Variants in FRMD4A observed in about 807,000 individuals in gnomAD.
FRMD4A encodes the protein FERM domain containing 4A, also known as FERM domain-containing protein 4A.
In FRMD4A, 29 loss-of-function variants were observed where a neutral mutation model predicts 129.1. That is an observed-to-expected ratio of 0.22 (90% CI 0.17 to 0.31). The LOEUF (loss-of-function observed/expected upper bound fraction) is 0.31, where lower values mean the gene tolerates loss of function less well. FRMD4A is among the 10% of genes least tolerant of loss of function. FRMD4A has a pLI of 1.00. For missense variants in FRMD4A, 1,272 were observed against 1,375.8 expected, an observed-to-expected ratio of 0.92 and a Z score of 1.19; for synonymous variants, 634 against 571.6, an observed-to-expected ratio of 1.11 and a Z score of -1.56.
chr10:14,292,258 T>C (rs986412692), intron 2 of FRMD4A, among the ~76,000 whole-genome samples: 1 of 152,202 alleles, frequency 6.6e-6, no homozygotes, highest in African/African-American at 2.4e-5. Flanking sequence ...TATGAAGCTA[T>C]AGTAGTTAAG....
At chr10:14,162,234 A>G (rs1038717164) in intron 2 of FRMD4A, among the ~76,000 whole-genome samples, 1 of 152,178 alleles carries the variant, frequency 6.6e-6, no homozygotes, top group African/African-American at 2.4e-5. Flanking sequence ...CGGCCACCAC[A>G]CTAGACAAGG....
At chr10:14,125,638 T>C (rs1326604935) in intron 2 of FRMD4A, among the ~76,000 whole-genome samples, 1 of 152,118 alleles carries the variant, frequency 6.6e-6, no homozygotes, top group East Asian at 1.9e-4. Context: ...CCCAGCTAAA[T>C]CCTGCAAATG....
At chr10:13,699,131 C>G (rs963033563) in intron 14 of FRMD4A, among the ~76,000 whole-genome samples, 2 of 149,266 alleles carry the variant, frequency 1.3e-5, no homozygotes, top group African/African-American at 4.9e-5. Flanking sequence ...TCTCAGCTCA[C>G]TGCAACCTCT....
chr10:13,910,888 GAAAAAAAAAAAAAAAAAAAAAAAAAA>G (rs141449954), intron 2 of FRMD4A, among the ~76,000 whole-genome samples: 873 of 83,074 alleles, frequency 0.011, 23 homozygotes, highest in African/African-American at 0.042. Flanking sequence ...GGAGTTTCAT[GAAAAAAAAAAAAAAAAAAAAAAAAAA>G]AAAAAAAAAA....
At position 13,976,829 on chromosome 10, in the gene FRMD4A, A is replaced by G. The variant is rs12247912; in HGVS notation, c.46-117917T>C. ...TCTGTTTGTAAAAACGTCAGCCATA[A>G]GATTGGCTGAAGAACTATTCTATCT... On this transcript the variant is annotated intron_variant, in intron 2 of 24. Transcript: ENST00000357447. Among the ~76,000 whole-genome samples the G allele has an allele frequency of 6.3e-3, 962 of 152,322 alleles. 15 individuals carry two copies. The highest frequency in any genetic ancestry group is 0.021 in the African/African-American group (890 of 41,560).
chr10:13,959,471 T>TAAAAAAAAAA (rs56192445), intron 2 of FRMD4A, among the ~76,000 whole-genome samples: 13 of 53,110 alleles, frequency 2.4e-4, no homozygotes, highest in African/African-American at 1.0e-3. Context: ...GACTGTTTCA[T>TAAAAAAAAAA]AAAAAAAAAA....
chr10:13,693,314 C>G (rs1294302824), intron 15 of FRMD4A: 1 of 204,430 alleles, frequency 4.9e-6, no homozygotes, highest in Non-Finnish European at 9.9e-6. Flanking sequence ...TGGAACTCCT[C>G]TGTCCCTCCC....
intron 21 of FRMD4A, among the ~76,000 whole-genome samples, chr10:13,657,788 GTT>G (rs10695622): frequency 7.0e-6 from 1 of 143,306 alleles, no homozygotes; most frequent in Non-Finnish European, 1.5e-5. Context: ...CGATTTCTGG[GTT>G]TTTTTTTTTT....
chr10:14,108,694 G>A (rs139076212), intron 2 of FRMD4A, among the ~76,000 whole-genome samples: 3 of 152,088 alleles, frequency 2.0e-5, no homozygotes, highest in South Asian at 2.1e-4. Flanking sequence ...CTGGGTTTTC[G>A]CATAGGAAAA....
At chr10:14,074,097 C>A (rs187667523) in intron 2 of FRMD4A, among the ~76,000 whole-genome samples, 274 of 152,208 alleles carry the variant, frequency 1.8e-3, no homozygotes, top group African/African-American at 6.2e-3. Flanking sequence ...GATGACAGAG[C>A]AAGATAGTCT....
chr10:13,649,476 T>TGGTTCTCAGGTGGCTC (rs2081371563), intron 24 of FRMD4A: 1 of 127,946 alleles, frequency 7.8e-6, no homozygotes, highest in Non-Finnish European at 1.9e-5. Flanking sequence ...ATTGGTGGTT[T>TGGTTCTCAGGTGGCTC]GGTTCTCAGG....
At chr10:13,879,686 C>T (rs1195253401) in intron 2 of FRMD4A, among the ~76,000 whole-genome samples, 2 of 134,124 alleles carry the variant, frequency 1.5e-5, no homozygotes, top group African/African-American at 5.5e-5. Context: ...CTTCTTCTTT[C>T]TCTTCCTTTT....
chr10:14,288,254 G>A (rs904260028), intron 2 of FRMD4A, among the ~76,000 whole-genome samples: 11 of 152,134 alleles, frequency 7.2e-5, no homozygotes, highest in Admixed American at 2.0e-4. Flanking sequence ...AGGATGCCCC[G>A]TTGCTCCCAA....
chr10:13,701,908 G>T (rs563270986), intron 13 of FRMD4A, among the ~76,000 whole-genome samples: 2 of 152,288 alleles, frequency 1.3e-5, no homozygotes, highest in South Asian at 4.2e-4. Flanking sequence ...ACAGGCTACA[G>T]CGTCCCAGGG....
In FRMD4A at chr10:13,659,385, C is replaced by T. The variant is rs1412337049; in HGVS notation, c.2004G>A (p.Gln668=). 1 of 1,614,038 alleles carries T rather than the reference C, an allele frequency of 6.2e-7. No homozygotes were observed. Among genetic ancestry groups the T allele is most frequent in the Non-Finnish European group, 8.5e-7 (1 of 1,179,998 alleles). ...PIRGLPHWNS[Q]SSMPSTPDLR... is the part of the protein sequence containing the mutation. ...GGTCTGGCGTGGACGGCATGCTGGACTGGGAGTTCCAGTGCGGGAGGCCGC... is the reference window on the plus strand; with the variant it reads ...GGTCTGGCGTGGACGGCATGCTGGATTGGGAGTTCCAGTGCGGGAGGCCGC... The change falls in exon 21 of 25, where the codon CAG becomes CAA. Residue 668 remains glutamine (Q), a synonymous_variant. Transcript: ENST00000357447.
intron 4 of FRMD4A, among the ~76,000 whole-genome samples, chr10:13,802,489 T>C (rs1374017334): frequency 6.6e-6 from 1 of 151,886 alleles, no homozygotes; most frequent in Non-Finnish European, 1.5e-5. Flanking sequence ...TCTCACTCTG[T>C]TGCCCAGGCT....
chr10:14,246,382 TACAC>T (rs72276961), intron 2 of FRMD4A, among the ~76,000 whole-genome samples: 10,088 of 150,996 alleles, frequency 0.067, 427 homozygotes, highest in South Asian at 0.18. Context: ...AAAACACACA[TACAC>T]ACACACACAC....
chr10:13,712,340 G>A (rs2088107295), intron 12 of FRMD4A, among the ~76,000 whole-genome samples: 1 of 152,092 alleles, frequency 6.6e-6, no homozygotes, highest in Non-Finnish European at 1.5e-5. Context: ...TTGTCAACAT[G>A]GTGAAATCCT....
chr10:14,208,907 A>G (rs1310091750), intron 2 of FRMD4A, among the ~76,000 whole-genome samples: 1 of 152,006 alleles, frequency 6.6e-6, no homozygotes, highest in African/African-American at 2.4e-5. Flanking sequence ...TCCCCTCCCA[A>G]ACTCTCCTGT....
Sources: gnomAD v4.1 joint callset for allele counts (sites outside exome capture counted in the v4.1 genomes callset) on GRCh38, gnomAD v4.1.1 for gene constraint, MANE v1.5 for transcripts, NCBI Gene and HGNC (gene_info 2026-07-23, HGNC 2026-07-21) for gene names.